Variants in PDXDC1 observed in about 807,000 individuals in gnomAD.
PDXDC1 encodes the protein pyridoxal-dependent decarboxylase domain-containing protein 1.
PDXDC1 carries 42 observed loss-of-function variants against 100.1 expected under a neutral mutation model. The observed-to-expected ratio is 0.42, with a 90% CI of 0.33 to 0.54. The LOEUF (loss-of-function observed/expected upper bound fraction) is 0.54. PDXDC1 is among the 20% of genes least tolerant of loss of function. The probability of loss-of-function intolerance (pLI) is 0.10; values close to 1 mark genes in which losing one functional copy is unlikely to be tolerated. For missense variants in PDXDC1, 636 were observed against 979.2 expected (o/e 0.65, Z 4.68); for synonymous variants, 260 against 371.7 (o/e 0.70, Z 3.46).
chr16:15,097,078 A>T (rs2046383245), intron 16 of PDXDC1, among the ~76,000 whole-genome samples: 1 of 152,096 alleles, frequency 6.6e-6, no homozygotes, highest in Non-Finnish European at 1.5e-5. Context: ...CCCAGGCAAC[A>T]CAGCCAGACT....
chr16:15,139,777 T>G (rs2048435170), downstream of PDXDC1, among the ~76,000 whole-genome samples: 1 of 151,482 alleles, frequency 6.6e-6, no homozygotes, highest in South Asian at 2.1e-4. Flanking sequence ...CAAGACCCGG[T>G]CTCGAAAGAA....
intron 16 of PDXDC1, among the ~76,000 whole-genome samples, chr16:15,110,057 G>A (rs2046977358): frequency 6.7e-6 from 1 of 148,678 alleles, no homozygotes. Context: ...GGGAGGCTGA[G>A]GCAGGAGAAT....
At chr16:15,001,650 T>C (rs1973178707) in intron 3 of PDXDC1, 126 bp from the exon 4 acceptor site, 1 of 681,382 alleles carries the variant, frequency 1.5e-6, no homozygotes, top group Non-Finnish European at 2.4e-6. Flanking sequence ...ACGTTCTTTC[T>C]CTTATAGTTG....
chr16:15,125,405 C>T (rs540900355), intron 16 of PDXDC1: 2 of 783,618 alleles, frequency 2.6e-6, no homozygotes, highest in Admixed American at 1.9e-5. Flanking sequence ...CGCACGGACA[C>T]CCTGGGCTTC....
chr16:15,128,078 T>A, intron 16 of PDXDC1: 3 of 1,605,720 alleles, frequency 1.9e-6, no homozygotes, highest in African/African-American at 1.3e-5. Context: ...GAAGGTGCTG[T>A]GTGCCGTCTG....
chr16:15,127,400 G>C (rs776813234), intron 16 of PDXDC1: 2 of 1,265,734 alleles, frequency 1.6e-6, no homozygotes, highest in South Asian at 2.5e-5. Flanking sequence ...CTGGAAAGTG[G>C]CGGCTCTGGG....
At position 15,038,228 on chromosome 16, in the gene PDXDC1, TG is replaced by T. The variant is rs749257304; in HGVS notation, c.*1956del. The T allele has an allele frequency of 5.0e-6, 8 of 1,607,190 alleles. No individual in the cohort carries two copies. The highest frequency in any genetic ancestry group is 6.8e-6 in the Non-Finnish European group (8 of 1,175,728). On this transcript the variant is annotated 3_prime_UTR_variant, in exon 23 of 23. Coordinates refer to ENST00000396410, the MANE Select transcript of PDXDC1 (RefSeq NM_015027.4). The stretch of plus-strand genomic sequence containing the variant: ...GAAAGATTCTGAAAACACAAGATGG[TG>T]GGCATTAGAGAAGCCAACCTTACTG...
At chr16:15,132,731 G>T (rs1195589510) in intron 16 of PDXDC1, 1 of 1,074,520 alleles carries the variant, frequency 9.3e-7, no homozygotes. Context: ...CATGCACTGG[G>T]CCAGCGCAGC....
In PDXDC1 at chr16:14,997,740, T is replaced by TG. The variant is rs762204773; in HGVS notation, c.22-13_22-12insG. The TG allele has an allele frequency of 6.9e-6, 11 of 1,598,204 alleles. No individual in the cohort carries two copies. Among genetic ancestry groups the TG allele is most frequent in the Non-Finnish European group, 8.5e-6 (10 of 1,176,292 alleles). On this transcript the variant is annotated splice_polypyrimidine_tract_variant and intron_variant, in intron 1 of 22. Transcript: ENST00000396410. ...ATTATTAAAATTTCTTTCTTTTTTT[T>TG]TTTGTTTCCCAGATAGCAGACCCCA...
chr16:15,104,721 C>T, intron 16 of PDXDC1: 1 of 1,597,330 alleles, frequency 6.3e-7, no homozygotes, highest in Non-Finnish European at 8.5e-7. Context: ...GCAGGGCAAT[C>T]CTGAAGAATG....
intron 16 of PDXDC1, chr16:15,048,147 T>C (rs779304563): frequency 3.0e-6 from 4 of 1,349,688 alleles, no homozygotes; most frequent in Non-Finnish European, 4.2e-6. Context: ...TTAGTGAGGA[T>C]GGAAAAACTA....
chr16:15,079,861 T>C, intron 16 of PDXDC1: 2 of 986,818 alleles, frequency 2.0e-6, no homozygotes, highest in Non-Finnish European at 2.9e-6. Flanking sequence ...CCTCCCAAAG[T>C]GCTGGGAATA....
Position 15,032,933 on chromosome 16 carries a change from C to T in PDXDC1, c.1644C>T (p.Leu548=). ...DPEGENIHAG[L]LKKLNELESD... is the part of the protein sequence containing the mutation. ...AAGGGGAAAACATCCATGCTGGACTCCTGAAGAAGTTAAATGAACTGGAAT... is the reference window on the plus strand; with the variant it reads ...AAGGGGAAAACATCCATGCTGGACTTCTGAAGAAGTTAAATGAACTGGAAT... Residue 548 remains leucine (L), a synonymous_variant, in exon 18 of 23, where the codon CTC becomes CTT. Coordinates refer to ENST00000396410, the MANE Select transcript of PDXDC1 (RefSeq NM_015027.4). The T allele has an allele frequency of 1.9e-6, 3 of 1,611,620 alleles. No homozygotes were observed. Among genetic ancestry groups the T allele is most frequent in the Non-Finnish European group, 2.5e-6 (3 of 1,177,700 alleles).
At chr16:14,991,898 G>A in intron 1 of PDXDC1, among the ~76,000 whole-genome samples, 1 of 152,284 alleles carries the variant, frequency 6.6e-6, no homozygotes, top group Non-Finnish European at 1.5e-5. Flanking sequence ...TTAGAGAACA[G>A]TATGTTGATA....
chr16:15,054,992 G>C (rs1384098877), intron 16 of PDXDC1, among the ~76,000 whole-genome samples: 1 of 152,098 alleles, frequency 6.6e-6, no homozygotes, highest in African/African-American at 2.4e-5. Flanking sequence ...ACAGTTTATA[G>C]TATCTGAGCC....
rs1455418333 is a variant in PDXDC1 at position 15,009,514 on chromosome 16, A to C, written c.649-167A>C. On this transcript the variant is annotated intron_variant, in intron 7 of 22. Transcript: ENST00000396410. ...ATTTTTCTAGTCTTCAAGGAAAACT[A>C]TTTGATTTTCACATCTATGATGAGA... The C allele has an allele frequency of 6.4e-6, 7 of 1,096,972 alleles. No individual in the cohort carries two copies. The East Asian group carries it at 1.4e-4, about 22-fold the overall frequency. The allele number at this position is 1,096,972 out of a possible 1,614,324, so 68.0% of individuals were successfully genotyped here. A position where few individuals can be genotyped will look rare whatever the true frequency, so the allele number is the denominator to read the frequency against.
At chr16:15,061,851 C>G (rs763423792) in intron 16 of PDXDC1, 4 of 1,613,790 alleles carry the variant, frequency 2.5e-6, no homozygotes, top group Non-Finnish European at 3.4e-6. Context: ...ATCACGGTAT[C>G]ATTCTGGGGC....
intron 21 of PDXDC1, among the ~76,000 whole-genome samples, chr16:15,035,234 A>C (rs1017330561): frequency 6.6e-6 from 1 of 152,186 alleles, no homozygotes. Context: ...GGGTGTGCTT[A>C]CGCCATACTG....
At chr16:15,112,015 T>C (rs2047087404) in intron 16 of PDXDC1, among the ~76,000 whole-genome samples, 1 of 147,468 alleles carries the variant, frequency 6.8e-6, no homozygotes, top group Non-Finnish European at 1.5e-5. Context: ...TCACTTTCCC[T>C]TCCCTCACAT....
Sources: gnomAD v4.1 joint callset for allele counts (sites outside exome capture counted in the v4.1 genomes callset) on GRCh38, gnomAD v4.1.1 for gene constraint, MANE v1.5 for transcripts, NCBI Gene and HGNC (gene_info 2026-07-23, HGNC 2026-07-21) for gene names.